The following ELL2 variants were observed in gnomAD, a reference collection of about 807,000 sequenced individuals.
The protein encoded by ELL2 is elongation factor for RNA polymerase II 2.
A neutral mutation model predicts 72.8 loss-of-function variants in ELL2; 21 were observed. The observed-to-expected ratio is 0.29, with a 90% CI of 0.20 to 0.42. The LOEUF is 0.42. Ranked by LOEUF, ELL2 falls within the 10% of genes least tolerant of loss-of-function variation. The probability of loss-of-function intolerance (pLI) is 1.00; values close to 1 mark genes in which losing one functional copy is unlikely to be tolerated. For synonymous variants in ELL2, 266 were observed against 283.2 expected (o/e 0.94, Z 0.61); for missense variants, 568 against 772.8 (o/e 0.73, Z 3.14).
rs1404207861 is a variant in ELL2 at position 95,889,100 on chromosome 5, G to T, written c.1792C>A (p.Gln598Lys). 7 of 1,610,428 alleles carry T rather than the reference G, an allele frequency of 4.3e-6. No homozygotes were observed. Among genetic ancestry groups the T allele is most frequent in the Non-Finnish European group, 5.9e-6 (7 of 1,178,330 alleles). The part of the protein sequence containing the change: ...NVHEEVLQEY[Q>K]KIKQSSPNYH... ...ATGATACCTACCTGCTTTATCTTCT[G>T]ATATTCTTGTAAGACTTCTTCATGA... The change falls in exon 11 of 12, where the codon CAG becomes AAG. Residue 598 changes from glutamine (Q) to lysine (K), a missense_variant. By Grantham distance (53) the Gln-to-Lys change is moderately conservative. Coordinates refer to ENST00000237853, the MANE Select transcript of ELL2 (RefSeq NM_012081.6).
At position 95,924,640 on chromosome 5, in the gene ELL2, C is replaced by T. The variant is rs190227121; in HGVS notation, c.196-5095G>A. Among the ~76,000 whole-genome samples, 253 of 152,194 alleles carry T rather than the reference C, an allele frequency of 1.7e-3. 1 individual carries two copies. The highest frequency in any genetic ancestry group is 3.0e-3 in the Non-Finnish European group (203 of 68,004). The stretch of plus-strand genomic sequence containing the variant: ...AATATAAAAATATACCACCATGTCT[C>T]GGCAACTGGAAAAGCAGATTTTAAT... On this transcript the variant is annotated intron_variant, in intron 2 of 11. Transcript: ENST00000237853.
intron 2 of ELL2, among the ~76,000 whole-genome samples, chr5:95,931,719 T>C (rs1275961582): frequency 3.5e-5 from 5 of 141,352 alleles, no homozygotes; most frequent in Non-Finnish European, 7.5e-5. Context: ...CAGGTGTCCA[T>C]GGAAGGCTGA....
At chr5:95,960,220 C>A (rs1580546800) in intron 1 of ELL2, among the ~76,000 whole-genome samples, 1 of 151,864 alleles carries the variant, frequency 6.6e-6, no homozygotes, top group East Asian at 1.9e-4. Context: ...CAGTACCGAA[C>A]GGGCTATTTG....
chr5:95,909,471 A>T (rs1342621060), intron 4 of ELL2, among the ~76,000 whole-genome samples: 1 of 152,252 alleles, frequency 6.6e-6, no homozygotes, highest in East Asian at 1.9e-4. Context: ...TTAAGGAAAG[A>T]CAGGCTACAG....
intron 1 of ELL2, among the ~76,000 whole-genome samples, chr5:95,946,964 A>C (rs1751181662): frequency 6.6e-6 from 1 of 152,218 alleles, no homozygotes; most frequent in Admixed American, 6.5e-5. Flanking sequence ...AAAGGAAAAA[A>C]ATCCAAATTT....
At chr5:95,940,847 C>G (rs752176425) in intron 2 of ELL2, among the ~76,000 whole-genome samples, 2 of 152,086 alleles carry the variant, frequency 1.3e-5, no homozygotes, top group Admixed American at 6.5e-5. Flanking sequence ...GAGCAGTGTA[C>G]AGAAGACCCT....
intron 1 of ELL2, among the ~76,000 whole-genome samples, chr5:95,955,301 G>A (rs931453834): frequency 6.6e-6 from 1 of 152,170 alleles, no homozygotes; most frequent in Admixed American, 6.5e-5. Flanking sequence ...CCTTTCTGTA[G>A]AGGTCAATTC....
chr5:95,922,298 G>A (rs1251070474), intron 2 of ELL2, among the ~76,000 whole-genome samples: 1 of 152,190 alleles, frequency 6.6e-6, no homozygotes, highest in Non-Finnish European at 1.5e-5. Context: ...TCCTGACCTC[G>A]TGATCTGCTG....
chr5:95,913,714 G>A (rs372837978), intron 4 of ELL2, 57 bp downstream of exon 4: 1 of 1,469,370 alleles, frequency 6.8e-7, no homozygotes, highest in Non-Finnish European at 9.0e-7. Context: ...ATTTACCTAT[G>A]GTGATCTTGA....
intron 3 of ELL2, among the ~76,000 whole-genome samples, 175 bp from the exon 4 acceptor site, chr5:95,914,109 C>CT (rs1370653936): frequency 6.6e-6 from 1 of 151,620 alleles, no homozygotes; most frequent in African/African-American, 2.4e-5. Context: ...CTTCTCTTCA[C>CT]TTTTTTTCAT....
At chr5:95,910,384 C>G (rs911214669) in intron 4 of ELL2, among the ~76,000 whole-genome samples, 2 of 151,672 alleles carry the variant, frequency 1.3e-5, no homozygotes, top group Non-Finnish European at 2.9e-5. Context: ...AATACACTTC[C>G]AAAATTTAGG....
intron 4 of ELL2, among the ~76,000 whole-genome samples, chr5:95,907,056 T>TA (rs1226586656): frequency 1.3e-5 from 2 of 152,086 alleles, no homozygotes; most frequent in Non-Finnish European, 2.9e-5. Flanking sequence ...AGATAATAAC[T>TA]AGTAACACAA....
intron 5 of ELL2, among the ~76,000 whole-genome samples, chr5:95,905,217 A>C (rs1282837318): frequency 6.6e-6 from 1 of 150,956 alleles, no homozygotes; most frequent in Non-Finnish European, 1.5e-5. Flanking sequence ...GGTAAAGTTT[A>C]TCTACACTTT....
intron 9 of ELL2, among the ~76,000 whole-genome samples, chr5:95,892,304 G>T (rs768857564): frequency 6.6e-6 from 1 of 152,044 alleles, no homozygotes; most frequent in Non-Finnish European, 1.5e-5. Context: ...ATGCCACCAT[G>T]CCCGGCTAAT....
intron 1 of ELL2, among the ~76,000 whole-genome samples, chr5:95,955,735 T>C (rs1465873074): frequency 6.6e-6 from 1 of 152,170 alleles, no homozygotes; most frequent in Non-Finnish European, 1.5e-5. Context: ...TTGGGTTATA[T>C]ACATGTTGTT....
At position 95,895,615 on chromosome 5, in the gene ELL2, CAT is replaced by C; in HGVS notation, c.1589+11_1589+12del. 6.2e-7 allele frequency: 1 copy of C among 1,612,012 alleles called. No individual in the cohort carries two copies. The highest frequency in any genetic ancestry group is 8.5e-7 in the Non-Finnish European group (1 of 1,178,184). On this transcript the variant is annotated intron_variant, in intron 9 of 11. Coordinates refer to ENST00000237853, the MANE Select transcript of ELL2 (RefSeq NM_012081.6). ...TTAAGCCGCTCTCTCCATTGGCAGACATATGAACTTACATCAAATAATCTGGG... is the reference window on the plus strand; with the variant it reads ...TTAAGCCGCTCTCTCCATTGGCAGACATGAACTTACATCAAATAATCTGGG...
intron 1 of ELL2, among the ~76,000 whole-genome samples, chr5:95,946,394 C>T (rs570987020): frequency 6.6e-6 from 1 of 152,192 alleles, no homozygotes; most frequent in South Asian, 2.1e-4. Context: ...CAAATCTGGC[C>T]ACTCTGCCCC....
chr5:95,914,498 T>C (rs899660640), intron 3 of ELL2, among the ~76,000 whole-genome samples: 1 of 152,220 alleles, frequency 6.6e-6, no homozygotes, highest in Non-Finnish European at 1.5e-5. Context: ...AATCTCTATA[T>C]AAGATGACCT....
intron 1 of ELL2, among the ~76,000 whole-genome samples, chr5:95,961,311 G>C (rs900679226): frequency 2.5e-4 from 38 of 151,998 alleles, no homozygotes; most frequent in African/African-American, 8.9e-4. Context: ...GGAAAGTCCC[G>C]CAGCGGCAGC....
Sources: allele counts gnomAD v4.1 joint callset (sites outside exome capture counted in the v4.1 genomes callset), GRCh38; gene constraint gnomAD v4.1.1; transcripts MANE v1.5; gene names NCBI Gene and HGNC (gene_info 2026-07-23, HGNC 2026-07-21).